ARPP21: variants seen among roughly 807,000 people sequenced by gnomAD.
The protein encoded by ARPP21 is cAMP regulated phosphoprotein 21.
A neutral mutation model predicts 113.2 loss-of-function variants in ARPP21; 69 were observed. The ratio of observed to expected loss-of-function variants is 0.61; its 90% CI spans 0.50 to 0.74. The LOEUF (loss-of-function observed/expected upper bound fraction) is 0.74. Ranked by LOEUF, ARPP21 falls within the 30% of genes least tolerant of loss-of-function variation. The probability of loss-of-function intolerance (pLI) is 0.00; values close to 1 mark genes in which losing one functional copy is unlikely to be tolerated. For missense variants in ARPP21, 1,070 were observed against 1,037.4 expected (o/e 1.03, Z -0.43); for synonymous variants, 368 against 375.5 (o/e 0.98, Z 0.23).
intron 19 of ARPP21, among the ~76,000 whole-genome samples, chr3:35,764,029 AT>A: frequency 6.6e-6 from 1 of 152,174 alleles, no homozygotes; most frequent in African/African-American, 2.4e-5. Flanking sequence ...TACAAAAGAA[AT>A]ATGATTTTCA....
chr3:35,701,251 T>A (rs568913188), intron 9 of ARPP21, among the ~76,000 whole-genome samples: 3 of 151,860 alleles, frequency 2.0e-5, no homozygotes, highest in Non-Finnish European at 4.4e-5. Flanking sequence ...GTTATCCTCA[T>A]ATTTTAGAAT....
At chr3:35,728,215 CTTTTTTT>C in intron 14 of ARPP21, among the ~76,000 whole-genome samples, 1 of 105,168 alleles carries the variant, frequency 9.5e-6, no homozygotes, top group African/African-American at 3.6e-5. Flanking sequence ...GATTCCTTGC[CTTTTTTT>C]TTTTTTTTTT....
At chr3:35,711,315 C>A (rs1388066983) in intron 11 of ARPP21, among the ~76,000 whole-genome samples, 1 of 152,162 alleles carries the variant, frequency 6.6e-6, no homozygotes, top group Non-Finnish European at 1.5e-5. Context: ...TGTTCATGAA[C>A]ACGTGTGCAT....
At chr3:35,711,731 C>A (rs1199309112) in intron 11 of ARPP21, among the ~76,000 whole-genome samples, 1 of 152,128 alleles carries the variant, frequency 6.6e-6, no homozygotes, top group African/African-American at 2.4e-5. Flanking sequence ...GGCCTCAATT[C>A]TTCACTGGCT....
At position 35,725,148 on chromosome 3, in the gene ARPP21, T is replaced by C. The variant is rs1017680550; in HGVS notation, c.1225+3314T>C. ...ACATTATAGAGGAAATTGGGTGATG[T>C]GATTAGGCTCCATGTGCTTGCTAAT... On this transcript the variant is annotated intron_variant, in intron 14 of 20. Transcript: ENST00000684406. 1.3e-4 allele frequency among the ~76,000 whole-genome samples: 20 copies of C among 152,288 alleles called. No homozygotes were observed. In the East Asian group the frequency reaches 3.5e-3, roughly 27 times the overall value.
intron 9 of ARPP21, among the ~76,000 whole-genome samples, chr3:35,694,182 G>A (rs1226431142): frequency 6.6e-6 from 1 of 151,502 alleles, no homozygotes; most frequent in Non-Finnish European, 1.5e-5. Flanking sequence ...TTTTCATGGA[G>A]AAGAAAGAAT....
At chr3:35,670,027 CT>C (rs1559555718) in intron 1 of ARPP21, among the ~76,000 whole-genome samples, 2 of 152,148 alleles carry the variant, frequency 1.3e-5, no homozygotes, top group African/African-American at 4.8e-5. Flanking sequence ...TCAATAGTTT[CT>C]GCCAGGTCCT....
intron 14 of ARPP21, among the ~76,000 whole-genome samples, chr3:35,724,456 C>T (rs961602417): frequency 3.3e-5 from 5 of 152,290 alleles, no homozygotes; most frequent in Middle Eastern, 3.4e-3. Context: ...TTAGCTCCAT[C>T]AGAATCACCC....
chr3:35,758,324 T>A (rs2095645345), intron 19 of ARPP21, among the ~76,000 whole-genome samples: 1 of 152,106 alleles, frequency 6.6e-6, no homozygotes, highest in Non-Finnish European at 1.5e-5. Context: ...CTCATGTATC[T>A]TCTTTAGCTT....
intron 1 of ARPP21, among the ~76,000 whole-genome samples, chr3:35,642,692 C>A (rs895797986): frequency 6.6e-6 from 1 of 151,978 alleles, no homozygotes; most frequent in African/African-American, 2.4e-5. Flanking sequence ...AAATATTGTT[C>A]GGTGAAAGGT....
chr3:35,736,844 G>A (rs969145510), intron 15 of ARPP21, among the ~76,000 whole-genome samples: 3 of 152,168 alleles, frequency 2.0e-5, no homozygotes, highest in Non-Finnish European at 2.9e-5. Context: ...GAGGTGCAGT[G>A]CAGCAAAACA....
intron 15 of ARPP21, among the ~76,000 whole-genome samples, chr3:35,735,625 C>A (rs73059266): frequency 0.098 from 14,850 of 152,252 alleles, 947 homozygotes; most frequent in Non-Finnish European, 0.15. Context: ...CAGCATGCTG[C>A]CTCCACCATC....
chr3:35,787,686 G>A (rs2096661570), intron 19 of ARPP21, among the ~76,000 whole-genome samples: 1 of 152,072 alleles, frequency 6.6e-6, no homozygotes, highest in Non-Finnish European at 1.5e-5. Context: ...AGCAAACTGT[G>A]GAGCATAATT....
At chr3:35,716,651 T>C (rs1474859752) in intron 12 of ARPP21, among the ~76,000 whole-genome samples, 1 of 152,030 alleles carries the variant, frequency 6.6e-6, no homozygotes, top group African/African-American at 2.4e-5. Context: ...AAATACTCTA[T>C]CTTTGCCAGA....
At chr3:35,735,828 G>A (rs1010251831) in intron 15 of ARPP21, among the ~76,000 whole-genome samples, 2 of 152,238 alleles carry the variant, frequency 1.3e-5, no homozygotes, top group Non-Finnish European at 2.9e-5. Context: ...AGACTCACAA[G>A]TAGTTCAATG....
At chr3:35,661,969 T>C (rs183241409) in intron 1 of ARPP21, among the ~76,000 whole-genome samples, 6 of 152,238 alleles carry the variant, frequency 3.9e-5, no homozygotes, top group Non-Finnish European at 1.5e-5. Context: ...TAGCTATTGG[T>C]GATTTTAAAA....
chr3:35,783,960 A>C (rs867854436), intron 19 of ARPP21, among the ~76,000 whole-genome samples: 1 of 152,028 alleles, frequency 6.6e-6, no homozygotes, highest in African/African-American at 2.4e-5. Flanking sequence ...ATCTAATACT[A>C]GGTTCAATAT....
intron 9 of ARPP21, among the ~76,000 whole-genome samples, chr3:35,700,315 A>G (rs1432683230): frequency 3.3e-5 from 5 of 151,830 alleles, no homozygotes; most frequent in African/African-American, 9.7e-5. Context: ...TGTATGCTTT[A>G]AACTATTTTA....
intron 1 of ARPP21, among the ~76,000 whole-genome samples, chr3:35,667,991 AAG>A (rs2075176604): frequency 6.7e-6 from 1 of 148,752 alleles, no homozygotes; most frequent in Non-Finnish European, 1.5e-5. Context: ...GAAGAAGAAG[AAG>A]AAGAAGAAGA....
Sources: gnomAD v4.1 joint callset for allele counts (sites outside exome capture counted in the v4.1 genomes callset) on GRCh38, gnomAD v4.1.1 for gene constraint, MANE v1.5 for transcripts, NCBI Gene and HGNC (gene_info 2026-07-23, HGNC 2026-07-21) for gene names.